The following RAD21 variants were observed in gnomAD, a reference collection of about 807,000 sequenced individuals.
The protein encoded by RAD21 is double-strand-break repair protein rad21 homolog.
In RAD21, 18 loss-of-function variants were observed where a neutral mutation model predicts 71.5. The observed-to-expected ratio is 0.25, with a 90% CI of 0.17 to 0.37. The LOEUF (loss-of-function observed/expected upper bound fraction) is 0.37, where lower values mean the gene tolerates loss of function less well. Among genes scored for constraint, RAD21 ranks in the 10% least tolerant of loss-of-function variants. The pLI is 1.00. For synonymous variants in RAD21, 248 were observed against 254.0 expected (o/e 0.98, Z 0.22); for missense variants, 493 against 769.1 (o/e 0.64, Z 4.25).
chr8:116,868,675 G>T (rs1210173016), intron 1 of RAD21, among the ~76,000 whole-genome samples: 1 of 152,076 alleles, frequency 6.6e-6, no homozygotes, highest in Admixed American at 6.5e-5. Context: ...GAAAAATAGT[G>T]AGAAAAATTA....
intron 4 of RAD21, among the ~76,000 whole-genome samples, chr8:116,860,584 G>C (rs946419180): frequency 1.3e-5 from 2 of 152,128 alleles, no homozygotes; most frequent in Non-Finnish European, 2.9e-5. Flanking sequence ...ATGATCACTA[G>C]CATTTTTTTG....
Position 116,856,188 on chromosome 8 carries a change from T to C in RAD21, c.915A>G (p.Ala305=), listed in dbSNP as rs1397910819. 4.4e-6 allele frequency: 7 copies of C among 1,608,508 alleles called. No homozygotes were observed. The highest frequency in any genetic ancestry group is 5.9e-6 in the Non-Finnish European group (7 of 1,177,966). The change falls in exon 8 of 14, where the codon GCA becomes GCG. Residue 305 remains alanine, a synonymous_variant. Coordinates refer to ENST00000297338, the MANE Select transcript of RAD21 (RefSeq NM_006265.3). ...TLVPNEEEAF[A]LEPIDITVKE... Reference sequence around the variant, plus strand: ...TACCAGTTATATCAATAGGCTCCAATGCAAATGCTTCTTCCTCATTTGGAA... The same window carrying C: ...TACCAGTTATATCAATAGGCTCCAACGCAAATGCTTCTTCCTCATTTGGAA...
rs543820107 is a variant in RAD21, at chr8:116,860,364, G to A, written c.374+1477C>T. 9.2e-5 allele frequency among the ~76,000 whole-genome samples: 14 copies of A among 152,210 alleles called. No individual in the cohort carries two copies. The South Asian group carries it at 2.5e-3, about 27-fold the overall frequency. On this transcript the variant is annotated intron_variant, in intron 4 of 13. Coordinates refer to ENST00000297338, the MANE Select transcript of RAD21 (RefSeq NM_006265.3). The stretch of plus-strand genomic sequence containing the variant: ...CTAATTTTGAAAGAAGTTCTACTGC[G>A]GGTAAAACGCTATCGGGTAGCATTG...
rs1316433591 is a variant in RAD21 at position 116,847,164 on chromosome 8, TGAA to T, written c.*333_*335del. The T allele has an allele frequency of 3.8e-6, 1 of 259,762 alleles. No individual in the cohort carries two copies. Among genetic ancestry groups the T allele is most frequent in the Non-Finnish European group, 7.3e-6 (1 of 136,174 alleles). The allele number at this position is 259,762 out of a possible 1,614,324, so 16.1% of individuals were successfully genotyped here. On this transcript the variant is annotated 3_prime_UTR_variant, in exon 14 of 14. Transcript: ENST00000297338. ...CAGGTTTTCCTTTTCAATGCAGTAATGAAGAACTAAGATAAAAATCATGACTTT... is the reference window on the plus strand; with the variant it reads ...CAGGTTTTCCTTTTCAATGCAGTAATGAACTAAGATAAAAATCATGACTTT...
intron 12 of RAD21, chr8:116,849,523 A>G (rs942518897): frequency 1.3e-5 from 2 of 152,624 alleles, no homozygotes; most frequent in Middle Eastern, 3.4e-3. Flanking sequence ...CAGACTACCT[A>G]AGTTGATTTA....
At chr8:116,852,404 G>T in intron 10 of RAD21, 145 bp downstream of exon 10, 1 of 895,232 alleles carries the variant, frequency 1.1e-6, no homozygotes, top group Non-Finnish European at 1.6e-6. Context: ...ACTTAAATAA[G>T]GCAATCAGAT....
intron 11 of RAD21, 77 bp downstream of exon 11, chr8:116,851,871 A>T: frequency 7.0e-7 from 1 of 1,436,422 alleles, no homozygotes; most frequent in Non-Finnish European, 9.5e-7. Flanking sequence ...ATACTTTAAA[A>T]GGCCTCCCTA....
Position 116,866,748 on chromosome 8 carries a change from A to C in RAD21, c.-19T>G, listed in dbSNP as rs1812701684. On this transcript the variant is annotated 5_prime_UTR_variant, in exon 2 of 14. Transcript: ENST00000297338. ...AGAACATTGTTCTGGCTGGCTATGA[A>C]AACAGAAGAAAACCTAAGAGGGGAA... The C allele has an allele frequency of 1.3e-6, 2 of 1,577,678 alleles. No homozygotes were observed. Among genetic ancestry groups the C allele is most frequent in the Non-Finnish European group, 1.7e-6 (2 of 1,163,284 alleles).
At chr8:116,853,586 C>T (rs1339851090) in intron 9 of RAD21, among the ~76,000 whole-genome samples, 1 of 152,032 alleles carries the variant, frequency 6.6e-6, no homozygotes, top group East Asian at 1.9e-4. Context: ...AGTTTAAGGA[C>T]CTTCTTAAAA....
In RAD21 at chr8:116,846,579, A is replaced by G. The variant is rs1812256381; in HGVS notation, c.*921T>C. The stretch of plus-strand genomic sequence containing the variant: ...TACAATAAATATCAGAGAAGCCGTT[A>G]GTTTTTACAGCATCGTCTGCTTAAA... On this transcript the variant is annotated 3_prime_UTR_variant, in exon 14 of 14. Transcript: ENST00000297338. 8.7e-6 allele frequency: 2 copies of G among 229,080 alleles called. No homozygotes were observed. Among genetic ancestry groups the G allele is most frequent in the Non-Finnish European group, 1.7e-5 (2 of 115,298 alleles). 14.2% of individuals were successfully genotyped at this position (229,080 alleles called of 1,614,324 possible).
chr8:116,857,167 TA>T (rs1812488199), intron 6 of RAD21, 99 bp downstream of exon 6: 1 of 1,003,992 alleles, frequency 1.0e-6, no homozygotes, highest in Non-Finnish European at 1.5e-6. Flanking sequence ...CATATATATC[TA>T]AAAGCTGTTC....
chr8:116,853,522 T>C (rs1415178982), intron 9 of RAD21, among the ~76,000 whole-genome samples: 3 of 152,202 alleles, frequency 2.0e-5, no homozygotes, highest in Non-Finnish European at 2.9e-5. Context: ...ACACTTTGAA[T>C]TACTTCCTTA....
At chr8:116,852,207 A>T in intron 10 of RAD21, 111 bp from the exon 11 acceptor site, 1 of 1,036,436 alleles carries the variant, frequency 9.6e-7, no homozygotes, top group Non-Finnish European at 1.3e-6. Context: ...GCTTTCTTTA[A>T]TGAAGAAGGC....
chr8:116,850,537 A>T (rs1289958656), intron 12 of RAD21, 81 bp downstream of exon 12: 5 of 1,549,280 alleles, frequency 3.2e-6, no homozygotes, highest in Non-Finnish European at 3.5e-6. Context: ...CTCAGCATCA[A>T]TTAAGTTAGC....
intron 2 of RAD21, among the ~76,000 whole-genome samples, chr8:116,864,711 T>C (rs149640546): frequency 3.9e-4 from 60 of 152,264 alleles, no homozygotes; most frequent in Middle Eastern, 6.8e-3. Context: ...TATTATCTTA[T>C]CTAGAACTAG....
In RAD21 at chr8:116,856,714, G is replaced by C. The variant is rs770374138; in HGVS notation, c.746C>G (p.Ser249Cys). ...CTCTGGCAACATCACCCCTGCCTCA[G>C]AGAGGGCAGGGGGATCATCAAAGAT... ...GGIFDDPPAL[S>C]EAGVMLPEQP... Residue 249 changes from serine to cysteine, a missense_variant, in exon 7 of 14, where the codon TCT becomes TGT. Around this residue, in one of 5 missense-constraint regions of RAD21, gnomAD observed 165 missense variants for 229.6 expected, o/e 0.72. Coordinates refer to ENST00000297338, the MANE Select transcript of RAD21 (RefSeq NM_006265.3). 1.3e-6 allele frequency: 2 copies of C among 1,587,588 alleles called. No individual in the cohort carries two copies. Among genetic ancestry groups the C allele is most frequent in the South Asian group, 2.3e-5 (2 of 87,620 alleles).
At chr8:116,858,259 C>T (rs1812513411) in intron 5 of RAD21, 93 bp downstream of exon 5, 1 of 939,010 alleles carries the variant, frequency 1.1e-6, no homozygotes, top group African/African-American at 1.7e-5. Context: ...AATTTTAAGT[C>T]TTTCTGTCTA....
intron 9 of RAD21, 26 bp downstream of exon 9, chr8:116,854,219 A>G (rs879723853): frequency 1.3e-6 from 2 of 1,524,270 alleles, no homozygotes; most frequent in Non-Finnish European, 1.8e-6. Context: ...ATGTATATGA[A>G]GTAAAAATTC....
At chr8:116,863,943 AT>A (rs372238964) in intron 2 of RAD21, among the ~76,000 whole-genome samples, 155 of 152,136 alleles carry the variant, frequency 1.0e-3, no homozygotes, top group African/African-American at 3.6e-3. Flanking sequence ...TATTTCCCTT[AT>A]TGTTTAAGCT....
Sources: gnomAD v4.1 joint callset for allele counts (sites outside exome capture counted in the v4.1 genomes callset) on GRCh38, gnomAD v4.1.1 for gene constraint, gnomAD v4.1.1 regional missense constraint, MANE v1.5 for transcripts, NCBI Gene and HGNC (gene_info 2026-07-23, HGNC 2026-07-21) for gene names.